Variants in ROS1 observed in about 807,000 individuals in gnomAD.
The protein encoded by ROS1 is proto-oncogene tyrosine-protein kinase ROS.
ROS1 carries 263 observed loss-of-function variants against 273.5 expected under a neutral mutation model. The ratio of observed to expected loss-of-function variants is 0.96; its 90% CI spans 0.87 to 1.06. The LOEUF (loss-of-function observed/expected upper bound fraction) is 1.06. ROS1 is among the 50% of genes least tolerant of loss of function. The pLI, the probability that ROS1 is intolerant of heterozygous loss-of-function variation, is 0.00. For synonymous variants in ROS1, 1,008 were observed against 954.1 expected, an observed-to-expected ratio of 1.06 and a Z score of -1.04; for missense variants, 2,833 against 2,751.1, an observed-to-expected ratio of 1.03 and a Z score of -0.67.
chr6:117,329,329 CT>C lies in ROS1; in HGVS notation c.5347del (p.Arg1783GlufsTer13). The C allele has an allele frequency of 1.5e-6, 2 of 1,364,614 alleles. No individual in the cohort carries two copies. Among genetic ancestry groups the C allele is most frequent in the Non-Finnish European group, 1.0e-6 (1 of 960,708 alleles). 84.5% of individuals were successfully genotyped at this position (1,364,614 alleles called of 1,614,324 possible). On this transcript the variant is annotated frameshift_variant and splice_region_variant, in exon 33 of 44. Coordinates refer to ENST00000368507, the MANE Select transcript of ROS1 (RefSeq NM_001378902.1). LOFTEE classifies it high-confidence loss of function. Reference protein sequence around the residue: ...CRITYYILEIRKSTSNNLQNQ... With the variant: ...CRITYYILEIXKSTSNNLQNQ... ...ACAAGTACTTTGCAAACACACATACCTTATCTCAAGGATATAGTATGTAATT... is the reference window on the plus strand; with the variant it reads ...ACAAGTACTTTGCAAACACACATACCTATCTCAAGGATATAGTATGTAATT...
In ROS1 at chr6:117,375,653, C is replaced by T. The variant is rs189228809; in HGVS notation, c.2582+3406G>A. Among the ~76,000 whole-genome samples, 370 of 152,098 alleles carry T rather than the reference C, an allele frequency of 2.4e-3. 2 individuals are homozygous for T. The highest frequency in any genetic ancestry group is 8.7e-3 in the African/African-American group (360 of 41,490). ...TTTAAAAGTAAATAAATGGAAATAGCTGTACTATGCAAACACTAAGCAAAA... is the reference window on the plus strand; with the variant it reads ...TTTAAAAGTAAATAAATGGAAATAGTTGTACTATGCAAACACTAAGCAAAA... On this transcript the variant is annotated intron_variant, in intron 18 of 43. Coordinates refer to ENST00000368507, the MANE Select transcript of ROS1 (RefSeq NM_001378902.1).
chr6:117,318,832 A>G (rs551637133), intron 37 of ROS1, among the ~76,000 whole-genome samples: 7 of 152,226 alleles, frequency 4.6e-5, no homozygotes, highest in African/African-American at 1.7e-4. Context: ...TGAAGATGTG[A>G]TGCTTGCTTC....
intron 5 of ROS1, among the ~76,000 whole-genome samples, chr6:117,408,009 T>A (rs1400016191): frequency 6.6e-6 from 1 of 152,240 alleles, no homozygotes; most frequent in South Asian, 2.1e-4. Flanking sequence ...TGGCTAGCCA[T>A]ATGTAGAAAG....
At chr6:117,332,895 A>G (rs2128605537) in intron 32 of ROS1, among the ~76,000 whole-genome samples, 1 of 152,284 alleles carries the variant, frequency 6.6e-6, no homozygotes, top group East Asian at 1.9e-4. Context: ...AAAGCCAGAA[A>G]GATCTCAAAT....
intron 42 of ROS1, among the ~76,000 whole-genome samples, chr6:117,302,130 G>A (rs893975779): frequency 6.6e-6 from 1 of 152,120 alleles, no homozygotes; most frequent in Non-Finnish European, 1.5e-5. Context: ...ATTTTATATT[G>A]TTTATAATTA....
chr6:117,297,586 A>G (rs1252956367), intron 43 of ROS1, among the ~76,000 whole-genome samples: 2 of 152,198 alleles, frequency 1.3e-5, no homozygotes, highest in Non-Finnish European at 1.5e-5. Flanking sequence ...TATCAAAAGA[A>G]GACATACAAC....
chr6:117,306,438 G>T (rs74831568), intron 42 of ROS1, among the ~76,000 whole-genome samples: 2 of 152,054 alleles, frequency 1.3e-5, no homozygotes, highest in Non-Finnish European at 2.9e-5. Context: ...ATTGCCCTTT[G>T]ATCCCATTTC....
Position 117,308,866 on chromosome 6 carries a change from G to A in ROS1, c.6479C>T (p.Ser2160Phe), listed in dbSNP as rs976517290. 6.2e-7 allele frequency: 1 copy of A among 1,613,260 alleles called. No homozygotes were observed. The highest frequency in any genetic ancestry group is 1.7e-4 in the Middle Eastern group (1 of 6,058). Residue 2160 changes from serine to phenylalanine, a missense_variant, in exon 42 of 44, where the codon TCC becomes TTC. Physicochemically the swap from Ser to Phe is radical, Grantham distance 155. Transcript: ENST00000368507. ...TLGHQPYPAH[S>F]NLDVLNYVQT... ...CACATAGTTTAACACATCAAGGTTG[G>A]AATGAGCTGGATAAGGCTGATGACC...
chr6:117,299,025 A>T (rs958158056), intron 43 of ROS1, among the ~76,000 whole-genome samples: 1 of 152,064 alleles, frequency 6.6e-6, no homozygotes, highest in African/African-American at 2.4e-5. Flanking sequence ...CCCCAAAAGG[A>T]TGGAGTTGCT....
At chr6:117,337,423 G>T in intron 31 of ROS1, 83 bp from the exon 32 acceptor site, 2 of 1,041,244 alleles carry the variant, frequency 1.9e-6, no homozygotes, top group Non-Finnish European at 2.7e-6. Context: ...CTTATAGCAA[G>T]TGGTTAAAAT....
chr6:117,352,687 T>G (rs1000564676), intron 27 of ROS1, among the ~76,000 whole-genome samples: 2 of 151,782 alleles, frequency 1.3e-5, no homozygotes, highest in Non-Finnish European at 2.9e-5. Context: ...AAAGGAGAAA[T>G]AAGAGAAAGA....
chr6:117,325,817 A>AAG (rs1009370085), intron 34 of ROS1, among the ~76,000 whole-genome samples: 1 of 152,000 alleles, frequency 6.6e-6, no homozygotes, highest in Non-Finnish European at 1.5e-5. Context: ...TACACAGTGG[A>AAG]AGAGGTAGAT....
At chr6:117,388,076 G>A (rs1274690230) in intron 13 of ROS1, 84 bp from the exon 14 acceptor site, 1 of 1,589,068 alleles carries the variant, frequency 6.3e-7, no homozygotes, top group Non-Finnish European at 8.6e-7. Flanking sequence ...TTCACCTACA[G>A]CCTCATCTCA....
chr6:117,373,230 A>G (rs1229247327), intron 18 of ROS1, among the ~76,000 whole-genome samples: 1 of 152,222 alleles, frequency 6.6e-6, no homozygotes, highest in Non-Finnish European at 1.5e-5. Context: ...GGCTTCGCCT[A>G]GTGGATCCTG....
intron 21 of ROS1, among the ~76,000 whole-genome samples, chr6:117,364,471 A>G (rs1780041466): frequency 6.6e-6 from 1 of 152,170 alleles, no homozygotes; most frequent in South Asian, 2.1e-4. Context: ...TTGCATAATC[A>G]AGATAATAAG....
At chr6:117,373,309 G>T (rs940909350) in intron 18 of ROS1, among the ~76,000 whole-genome samples, 1 of 152,230 alleles carries the variant, frequency 6.6e-6, no homozygotes, top group Non-Finnish European at 1.5e-5. Context: ...GCCCTTGGGC[G>T]GTCAATGGGA....
intron 32 of ROS1, among the ~76,000 whole-genome samples, chr6:117,331,949 CCAA>C (rs1777103370): frequency 6.6e-6 from 1 of 152,102 alleles, no homozygotes; most frequent in South Asian, 2.1e-4. Flanking sequence ...TGCAAAATAA[CCAA>C]ATAGCATCAT....
At chr6:117,296,188 A>C (rs1774227634) in intron 43 of ROS1, among the ~76,000 whole-genome samples, 1 of 152,162 alleles carries the variant, frequency 6.6e-6, no homozygotes, top group Non-Finnish European at 1.5e-5. Flanking sequence ...ACTTGAGGTC[A>C]GGAATTCTAG....
chr6:117,312,872 A>G (rs993428723), intron 39 of ROS1, among the ~76,000 whole-genome samples: 5 of 152,096 alleles, frequency 3.3e-5, no homozygotes, highest in African/African-American at 1.2e-4. Flanking sequence ...CTCAGTGGGA[A>G]AGTATAGTTC....
Sources: gnomAD v4.1 joint callset for allele counts (sites outside exome capture counted in the v4.1 genomes callset) on GRCh38, gnomAD v4.1.1 for gene constraint, MANE v1.5 for transcripts, NCBI Gene and HGNC (gene_info 2026-07-23, HGNC 2026-07-21) for gene names.